RAB3C: variants seen among roughly 807,000 people sequenced by gnomAD.
RAB3C encodes ras-related protein Rab-3C.
Under a neutral mutation model 26.4 loss-of-function variants are expected in RAB3C, and 17 were observed. That is an observed-to-expected ratio of 0.64 (90% CI 0.44 to 0.97). The LOEUF is 0.97. RAB3C is among the 50% of genes least tolerant of loss of function. The pLI is 0.00. For synonymous variants in RAB3C, 91 were observed against 95.9 expected, an observed-to-expected ratio of 0.95 and a Z score of 0.30; for missense variants, 242 against 281.9, an observed-to-expected ratio of 0.86 and a Z score of 1.01.
intron 2 of RAB3C, among the ~76,000 whole-genome samples, chr5:58,691,691 C>A (rs1371958596): frequency 6.6e-6 from 1 of 152,084 alleles, no homozygotes; most frequent in Non-Finnish European, 1.5e-5. Context: ...GTGCCTGTAC[C>A]TAGAACCCAG....
intron 3 of RAB3C, among the ~76,000 whole-genome samples, chr5:58,742,210 T>C (rs894117610): frequency 1.3e-5 from 2 of 152,142 alleles, no homozygotes; most frequent in African/African-American, 2.4e-5. Flanking sequence ...TCCTTCCTTC[T>C]TTTGCCCTTA....
chr5:58,582,520 T>C (rs1247369513), upstream of RAB3C: 1 of 452,030 alleles, frequency 2.2e-6, no homozygotes, highest in Non-Finnish European at 2.9e-6. Context: ...GCGCGACTTC[T>C]CAGTGCAATT....
intron 3 of RAB3C, among the ~76,000 whole-genome samples, chr5:58,737,627 G>A (rs1189836169): frequency 2.0e-5 from 3 of 151,688 alleles, no homozygotes; most frequent in African/African-American, 7.3e-5. Context: ...ATGACAGAAT[G>A]AGAATTATAT....
rs1264149594 is a variant in RAB3C, at chr5:58,857,322, A to G, written c.*5971A>G. 1 of 152,178 alleles carries G rather than the reference A, an allele frequency of 6.6e-6. No individual in the cohort carries two copies. The highest frequency in any genetic ancestry group is 1.5e-5 in the Non-Finnish European group (1 of 68,010). The allele number at this position is 152,178 out of a possible 1,614,324, so 9.4% of individuals were successfully genotyped here. ...TTTCTTATAAAACCAAACATTTAGT[A>G]TCTGGAAATATGTGTCAATTTTATC... is the stretch of plus-strand genomic sequence containing the variant. On this transcript the variant is annotated 3_prime_UTR_variant, in exon 5 of 5. Transcript: ENST00000282878.
intron 2 of RAB3C, among the ~76,000 whole-genome samples, chr5:58,691,209 C>A (rs1393776381): frequency 1.3e-5 from 2 of 152,092 alleles, no homozygotes; most frequent in Non-Finnish European, 2.9e-5. Context: ...ACTAAAAGTA[C>A]AGATTCCCAC....
chr5:58,595,867 A>T (rs1746236352), intron 1 of RAB3C, among the ~76,000 whole-genome samples: 1 of 152,186 alleles, frequency 6.6e-6, no homozygotes, highest in Non-Finnish European at 1.5e-5. Context: ...GTTTTGAACG[A>T]TTCTTTACAT....
At chr5:58,675,598 A>T (rs10061405) in intron 2 of RAB3C, among the ~76,000 whole-genome samples, 7,353 of 147,972 alleles carry the variant, frequency 0.05, 625 homozygotes, top group African/African-American at 0.17. Context: ...CAGCATCTCC[A>T]ACCAGAGGCC....
intron 2 of RAB3C, among the ~76,000 whole-genome samples, chr5:58,647,011 G>C (rs1291473094): frequency 1.3e-5 from 2 of 152,180 alleles, no homozygotes; most frequent in East Asian, 3.9e-4. Context: ...TCCAGATATA[G>C]AGGCACAGTA....
chr5:58,770,003 A>T (rs912259232), intron 3 of RAB3C, among the ~76,000 whole-genome samples: 3 of 152,202 alleles, frequency 2.0e-5, no homozygotes, highest in Non-Finnish European at 4.4e-5. Flanking sequence ...TTCCATCATG[A>T]TCATTGTAAT....
chr5:58,836,513 C>T (rs1475855958), intron 4 of RAB3C, among the ~76,000 whole-genome samples: 1 of 152,142 alleles, frequency 6.6e-6, no homozygotes, highest in East Asian at 1.9e-4. Context: ...TATCCTTTAA[C>T]AAATACTTCC....
At chr5:58,837,851 A>G (rs1454073963) in intron 4 of RAB3C, among the ~76,000 whole-genome samples, 1 of 152,090 alleles carries the variant, frequency 6.6e-6, no homozygotes, top group East Asian at 1.9e-4. Context: ...GAGTGACCAC[A>G]CCCAGCCTTG....
intron 2 of RAB3C, among the ~76,000 whole-genome samples, chr5:58,645,458 A>G (rs1747496573): frequency 6.6e-6 from 1 of 152,234 alleles, no homozygotes; most frequent in Non-Finnish European, 1.5e-5. Flanking sequence ...TCTTTGAGTA[A>G]GATAATTGTT....
intron 2 of RAB3C, among the ~76,000 whole-genome samples, chr5:58,725,787 A>C (rs1386243108): frequency 6.6e-6 from 1 of 151,920 alleles, no homozygotes; most frequent in Non-Finnish European, 1.5e-5. Flanking sequence ...CTATTAAATT[A>C]TTACATGTAC....
At chr5:58,756,655 C>T (rs1018460018) in intron 3 of RAB3C, among the ~76,000 whole-genome samples, 16 of 142,660 alleles carry the variant, frequency 1.1e-4, no homozygotes, top group African/African-American at 3.7e-4. Flanking sequence ...CTGTAAGTCA[C>T]GCCTGATAAT....
intron 3 of RAB3C, among the ~76,000 whole-genome samples, chr5:58,764,700 T>G (rs981884918): frequency 2.0e-5 from 3 of 150,660 alleles, no homozygotes; most frequent in Non-Finnish European, 4.5e-5. Flanking sequence ...TCTATTGGAC[T>G]GCTCTCTTGG....
intron 4 of RAB3C, among the ~76,000 whole-genome samples, chr5:58,826,712 T>C (rs1743490069): frequency 6.6e-6 from 1 of 152,236 alleles, no homozygotes; most frequent in Admixed American, 6.5e-5. Context: ...TCTTCTTTTT[T>C]CTTAAATGGT....
At chr5:58,759,505 A>G (rs1741748744) in intron 3 of RAB3C, among the ~76,000 whole-genome samples, 1 of 152,248 alleles carries the variant, frequency 6.6e-6, no homozygotes. Flanking sequence ...CATGCCAAAG[A>G]GACATTTTGT....
At chr5:58,602,780 T>G (rs564811817) in intron 1 of RAB3C, among the ~76,000 whole-genome samples, 4 of 152,292 alleles carry the variant, frequency 2.6e-5, no homozygotes, top group African/African-American at 9.6e-5. Flanking sequence ...GTTGGTGAGT[T>G]TTTATCCATT....
intron 3 of RAB3C, among the ~76,000 whole-genome samples, chr5:58,750,224 G>A (rs953907954): frequency 6.6e-6 from 1 of 151,816 alleles, no homozygotes; most frequent in African/African-American, 2.4e-5. Context: ...CTTTGGCAAG[G>A]GACCAATTCT....
Sources: gnomAD v4.1 joint callset for allele counts (sites outside exome capture counted in the v4.1 genomes callset) on GRCh38, gnomAD v4.1.1 for gene constraint, MANE v1.5 for transcripts, NCBI Gene and HGNC (gene_info 2026-07-23, HGNC 2026-07-21) for gene names.